The following CTXND1 variants were observed in gnomAD, a reference collection of about 807,000 sequenced individuals.
CTXND1 encodes the protein cortexin domain containing 1.
chr15:80,216,998 A>G (rs1893261458), intron 1 of CTXND1, among the ~76,000 whole-genome samples: 1 of 151,870 alleles, frequency 6.6e-6, no homozygotes, highest in Admixed American at 6.6e-5. Context: ...ATGGACCAGA[A>G]CTCTTGAGTT....
At chr15:80,216,414 C>A (rs950558989) in intron 1 of CTXND1, among the ~76,000 whole-genome samples, 9 of 152,276 alleles carry the variant, frequency 5.9e-5, no homozygotes, top group African/African-American at 2.2e-4. Context: ...CATTTGTTTA[C>A]AGCCATGAAT....
At chr15:80,236,196 G>C (rs563665585) in intron 1 of CTXND1, among the ~76,000 whole-genome samples, 2 of 151,816 alleles carry the variant, frequency 1.3e-5, no homozygotes, top group South Asian at 4.2e-4. Context: ...TCCTTTCAAG[G>C]TTGGCCCGCT....
At chr15:80,250,576 A>G (rs935761316) in intron 1 of CTXND1, among the ~76,000 whole-genome samples, 1 of 152,246 alleles carries the variant, frequency 6.6e-6, no homozygotes, top group African/African-American at 2.4e-5. Flanking sequence ...AAACAACAAC[A>G]TATGAATGCA....
intron 1 of CTXND1, among the ~76,000 whole-genome samples, chr15:80,228,212 C>T (rs1489593518): frequency 1.3e-5 from 2 of 152,194 alleles, no homozygotes; most frequent in African/African-American, 4.8e-5. Flanking sequence ...GGTTACTTCC[C>T]CCACTGAGTC....
chr15:80,239,780 C>T (rs1433154429), intron 1 of CTXND1, among the ~76,000 whole-genome samples: 1 of 152,156 alleles, frequency 6.6e-6, no homozygotes, highest in African/African-American at 2.4e-5. Flanking sequence ...TTCAGCCAAG[C>T]ATTCAAGGAT....
chr15:80,246,152 A>G (rs1893626407), intron 1 of CTXND1, among the ~76,000 whole-genome samples: 2 of 152,240 alleles, frequency 1.3e-5, no homozygotes, highest in Non-Finnish European at 2.9e-5. Flanking sequence ...AATAAATGGT[A>G]AACATTTCTT....
chr15:80,223,485 T>C (rs553454656), intron 1 of CTXND1, among the ~76,000 whole-genome samples: 8 of 152,372 alleles, frequency 5.3e-5, no homozygotes, highest in Admixed American at 5.2e-4. Flanking sequence ...TTGTTTCTAG[T>C]TTGGGACTAT....
intron 1 of CTXND1, among the ~76,000 whole-genome samples, chr15:80,221,161 G>A (rs1401958148): frequency 1.3e-5 from 2 of 151,750 alleles, no homozygotes; most frequent in African/African-American, 2.4e-5. Context: ...CGCCCGCCTC[G>A]GCCTCCCAAA....
chr15:80,214,523 TA>T (rs879673351), intron 1 of CTXND1, among the ~76,000 whole-genome samples: 59 of 152,046 alleles, frequency 3.9e-4, no homozygotes, highest in Non-Finnish European at 6.8e-4. Context: ...TAAATAACAT[TA>T]AAAAAAATTA....
chr15:80,224,428 T>A (rs1188406613), intron 1 of CTXND1, among the ~76,000 whole-genome samples: 1 of 152,240 alleles, frequency 6.6e-6, no homozygotes, highest in Non-Finnish European at 1.5e-5. Flanking sequence ...TATTCCATTG[T>A]CCTTCTTTTC....
At chr15:80,232,459 C>G (rs977857024) in intron 1 of CTXND1, among the ~76,000 whole-genome samples, 12 of 152,168 alleles carry the variant, frequency 7.9e-5, no homozygotes, top group Admixed American at 3.9e-4. Flanking sequence ...TAACAAACAG[C>G]CTTTAATGAT....
At position 80,201,745 on chromosome 15, in the gene CTXND1, G is replaced by C. The variant is rs1470177974; in HGVS notation, c.*25C>G. On this transcript the variant is annotated 3_prime_UTR_variant, in exon 3 of 3. Coordinates refer to ENST00000560778, the MANE Select transcript of CTXND1 (RefSeq NM_001352888.2). ...GGCACAGCCACCCACAGAGCGCCAG[G>C]TCCAGTCCCCACAGCCGCTGTGCCT... The C allele has an allele frequency of 2.5e-6, 1 of 398,706 alleles. No homozygotes were observed. The highest frequency in any genetic ancestry group is 2.1e-5 in the African/African-American group (1 of 48,638). The allele number at this position is 398,706 out of a possible 1,614,324, so 24.7% of individuals were successfully genotyped here.
chr15:80,216,219 G>T (rs540700735), intron 1 of CTXND1, among the ~76,000 whole-genome samples: 2 of 152,220 alleles, frequency 1.3e-5, no homozygotes, highest in East Asian at 3.9e-4. Context: ...ATGTTTTCTG[G>T]CTCTACTCCT....
At chr15:80,214,371 T>G (rs1358326112) in intron 1 of CTXND1, among the ~76,000 whole-genome samples, 5 of 152,186 alleles carry the variant, frequency 3.3e-5, no homozygotes, top group Non-Finnish European at 7.4e-5. Flanking sequence ...GAATAGACAT[T>G]GTTTTCAAAT....
At chr15:80,237,020 G>A (rs1461733009) in intron 1 of CTXND1, among the ~76,000 whole-genome samples, 1 of 151,802 alleles carries the variant, frequency 6.6e-6, no homozygotes, top group Non-Finnish European at 1.5e-5. Context: ...TGTTATTTAA[G>A]AGGATACTCC....
intron 1 of CTXND1, among the ~76,000 whole-genome samples, chr15:80,219,475 TA>T (rs1377610227): frequency 6.6e-6 from 1 of 152,236 alleles, no homozygotes. Flanking sequence ...TTTTAAATTA[TA>T]AAAACAATTC....
chr15:80,242,730 T>C (rs931773163), intron 1 of CTXND1, among the ~76,000 whole-genome samples: 18 of 152,178 alleles, frequency 1.2e-4, no homozygotes, highest in Admixed American at 3.3e-4. Context: ...TTTTGGAAGA[T>C]TGGCTACACT....
intron 1 of CTXND1, among the ~76,000 whole-genome samples, chr15:80,239,535 T>C (rs1893540898): frequency 6.6e-6 from 1 of 152,246 alleles, no homozygotes; most frequent in Non-Finnish European, 1.5e-5. Flanking sequence ...CTTTCTCCCA[T>C]GCTGGATGCT....
At chr15:80,245,949 TCAA>T (rs1471859517) in intron 1 of CTXND1, among the ~76,000 whole-genome samples, 1 of 152,140 alleles carries the variant, frequency 6.6e-6, no homozygotes, top group East Asian at 1.9e-4. Flanking sequence ...GAAAATCAAA[TCAA>T]CAACAACACC....
Sources: allele counts gnomAD v4.1 joint callset (sites outside exome capture counted in the v4.1 genomes callset), GRCh38; gene constraint gnomAD v4.1.1; transcripts MANE v1.5; gene names NCBI Gene and HGNC (gene_info 2026-07-23, HGNC 2026-07-21).